Variants in GMDS observed in about 807,000 individuals in gnomAD.
GMDS encodes GDP-mannose 4,6 dehydratase.
GMDS carries 20 observed loss-of-function variants against 49.9 expected under a neutral mutation model. That is an observed-to-expected ratio of 0.40 (90% confidence interval 0.28 to 0.58). GMDS has a LOEUF of 0.58. GMDS is among the 20% of genes least tolerant of loss of function. The pLI is 0.42. For missense variants in GMDS, 362 were observed against 481.4 expected, an observed-to-expected ratio of 0.75 and a Z score of 2.32; for synonymous variants, 177 against 178.6, an observed-to-expected ratio of 0.99 and a Z score of 0.07.
chr6:2,036,659 G>A (rs1769323704), intron 4 of GMDS, among the ~76,000 whole-genome samples: 1 of 152,190 alleles, frequency 6.6e-6, no homozygotes, highest in Non-Finnish European at 1.5e-5. Flanking sequence ...GCTGATTAAT[G>A]ATAATTCTCT....
intron 8 of GMDS, among the ~76,000 whole-genome samples, chr6:1,741,842 G>A (rs1767284742): frequency 7.0e-6 from 1 of 143,676 alleles, no homozygotes; most frequent in African/African-American, 2.6e-5. Context: ...AAAAAAGAAG[G>A]TGCTTATATT....
intron 1 of GMDS, among the ~76,000 whole-genome samples, chr6:2,192,461 T>C (rs1441237161): frequency 2.0e-5 from 3 of 152,272 alleles, no homozygotes; most frequent in East Asian, 1.9e-4. Context: ...TGAAACATGC[T>C]CCTCACTCAT....
In GMDS at chr6:1,778,479, AG is replaced by A. The variant is rs558871753; in HGVS notation, c.772-35894del. Among the ~76,000 whole-genome samples the A allele has an allele frequency of 7.5e-4, 114 of 152,262 alleles. No homozygotes were observed. Among genetic ancestry groups the A allele is most frequent in the East Asian group, 1.7e-3 (9 of 5,184 alleles). On this transcript the variant is annotated intron_variant, in intron 7 of 10. Coordinates refer to ENST00000380815, the MANE Select transcript of GMDS (RefSeq NM_001500.4). This position sits in a 1 kb window ranked among gnomAD's most constrained non-coding sequence, Gnocchi z 4.6. ...CCAAGGAACTGTGGAATTCAAGAGG[AG>A]GGGGCAGCCTTCCTGACCTGGAACT...
At chr6:2,150,057 C>T (rs1581715940) in intron 1 of GMDS, among the ~76,000 whole-genome samples, 1 of 152,004 alleles carries the variant, frequency 6.6e-6, no homozygotes, top group South Asian at 2.1e-4. Context: ...CTGCCACGAC[C>T]CAGTATTCTT....
chr6:1,677,004 G>C (rs913757407), intron 9 of GMDS, among the ~76,000 whole-genome samples: 1 of 151,370 alleles, frequency 6.6e-6, no homozygotes, highest in African/African-American at 2.4e-5. Context: ...CCCACAGAAT[G>C]GGAGAAAATG....
intron 7 of GMDS, among the ~76,000 whole-genome samples, chr6:1,800,923 G>T (rs114480727): frequency 6.6e-6 from 1 of 152,148 alleles, no homozygotes; most frequent in African/African-American, 2.4e-5. Flanking sequence ...TAAACTTCTG[G>T]GAAGAACTGC....
intron 7 of GMDS, among the ~76,000 whole-genome samples, chr6:1,806,077 G>C (rs762778226): frequency 6.6e-6 from 1 of 152,092 alleles, no homozygotes; most frequent in African/African-American, 2.4e-5. Flanking sequence ...CAAGGAGTTT[G>C]AGTCCAGCCT....
intron 10 of GMDS, 91 bp from the exon 11 acceptor site, chr6:1,624,322 G>T: frequency 7.5e-7 from 1 of 1,335,638 alleles, no homozygotes; most frequent in Non-Finnish European, 1.1e-6. Flanking sequence ...AGAGGCCTCC[G>T]CGTCCCTCGT....
intron 9 of GMDS, among the ~76,000 whole-genome samples, chr6:1,632,505 A>G (rs1272901731): frequency 6.6e-6 from 1 of 152,216 alleles, no homozygotes; most frequent in Non-Finnish European, 1.5e-5. Flanking sequence ...GTCGGTTACA[A>G]GAGTGTGTGC....
chr6:1,715,312 GCTCT>G (rs1296711720), intron 9 of GMDS, among the ~76,000 whole-genome samples: 1 of 152,152 alleles, frequency 6.6e-6, no homozygotes, highest in Non-Finnish European at 1.5e-5. Flanking sequence ...TTAGACTATT[GCTCT>G]CTAATAGTTT....
At chr6:1,851,820 CACA>C (rs766662202) in intron 7 of GMDS, among the ~76,000 whole-genome samples, 21 of 152,118 alleles carry the variant, frequency 1.4e-4, no homozygotes, top group Non-Finnish European at 2.8e-4. Context: ...GTTTCTTGTT[CACA>C]ACAAGCACCT....
At chr6:1,726,571 T>C in intron 8 of GMDS, 59 bp from the exon 9 acceptor site, 1 of 1,261,582 alleles carries the variant, frequency 7.9e-7, no homozygotes, top group Non-Finnish European at 1.2e-6. Flanking sequence ...TTGGCCATGC[T>C]GTAGCACCTT....
chr6:1,663,744 C>T (rs1203925720), intron 9 of GMDS, among the ~76,000 whole-genome samples: 5 of 151,908 alleles, frequency 3.3e-5, no homozygotes, highest in Non-Finnish European at 7.4e-5. Flanking sequence ...GGTGAAGATC[C>T]GTGTGCCCTG....
At chr6:1,668,905 A>G (rs1237724720) in intron 9 of GMDS, among the ~76,000 whole-genome samples, 1 of 152,258 alleles carries the variant, frequency 6.6e-6, no homozygotes, top group Non-Finnish European at 1.5e-5. Flanking sequence ...GTACCAAGGT[A>G]TCAGCTCAGG....
intron 8 of GMDS, among the ~76,000 whole-genome samples, chr6:1,739,400 T>C (rs1330767729): frequency 3.9e-5 from 6 of 152,198 alleles, no homozygotes; most frequent in African/African-American, 1.4e-4. Flanking sequence ...CGTGCCGCGG[T>C]GAGCATGGGC....
chr6:1,821,248 G>A (rs1770874517), intron 7 of GMDS, among the ~76,000 whole-genome samples: 2 of 152,282 alleles, frequency 1.3e-5, no homozygotes, highest in South Asian at 4.1e-4. Context: ...TTTCGGAAGT[G>A]AGTGGGTCTC....
intron 7 of GMDS, among the ~76,000 whole-genome samples, chr6:1,770,100 CTGTT>C (rs1768519902): frequency 6.6e-6 from 1 of 152,180 alleles, no homozygotes; most frequent in Admixed American, 6.5e-5. Context: ...TTGGGGTTCT[CTGTT>C]TAATTTTTAA....
intron 9 of GMDS, among the ~76,000 whole-genome samples, chr6:1,685,314 G>A (rs1390711794): frequency 2.0e-5 from 3 of 152,000 alleles, no homozygotes; most frequent in Non-Finnish European, 2.9e-5. Flanking sequence ...GGCCGGAGCC[G>A]AGATCACGCC....
intron 6 of GMDS, among the ~76,000 whole-genome samples, chr6:1,939,039 T>G (rs1450197935): frequency 7.0e-6 from 1 of 141,912 alleles, no homozygotes; most frequent in Non-Finnish European, 1.5e-5. Flanking sequence ...TTTTGGCACA[T>G]CCAAAGTTCT....
Sources: allele counts gnomAD v4.1 joint callset (sites outside exome capture counted in the v4.1 genomes callset), GRCh38; gene constraint gnomAD v4.1.1; non-coding constraint Gnocchi (gnomAD v3.1); transcripts MANE v1.5; gene names NCBI Gene and HGNC (gene_info 2026-07-23, HGNC 2026-07-21).